The following CNIH2 variants were observed in gnomAD, a reference collection of about 807,000 sequenced individuals.
The protein encoded by CNIH2 is protein cornichon homolog 2.
A neutral mutation model predicts 22.9 loss-of-function variants in CNIH2; 8 were observed. The ratio of observed to expected loss-of-function variants is 0.35; its 90% CI spans 0.20 to 0.63. The LOEUF (loss-of-function observed/expected upper bound fraction) is 0.63. Among genes scored for constraint, CNIH2 ranks in the 30% least tolerant of loss-of-function variants. CNIH2 has a pLI of 0.72. For missense variants in CNIH2, 105 were observed against 206.2 expected (o/e 0.51, Z 3.01); for synonymous variants, 74 against 78.2 (o/e 0.95, Z 0.28).
At chr11:66,279,245 A>G (rs1451691362) in intron 1 of CNIH2, among the ~76,000 whole-genome samples, 1 of 150,774 alleles carries the variant, frequency 6.6e-6, no homozygotes, top group Non-Finnish European at 1.5e-5. Flanking sequence ...GCCCTGGCCT[A>G]GCCTCACACC....
At chr11:66,281,299 G>A (rs1317811949) in intron 1 of CNIH2, 2 of 446,316 alleles carry the variant, frequency 4.5e-6, no homozygotes, top group Non-Finnish European at 9.0e-6. Context: ...GTGTGGCCCT[G>A]GACAAGTCAC....
intron 5 of CNIH2, 70 bp from the exon 6 acceptor site, chr11:66,283,500 G>T (rs1397539866): frequency 1.2e-6 from 2 of 1,607,850 alleles, no homozygotes; most frequent in Non-Finnish European, 1.7e-6. Flanking sequence ...GCAGCCCAGG[G>T]TGTGACCAGG....
At chr11:66,282,984 G>A (rs1857286345) in intron 3 of CNIH2, 51 bp from the exon 4 acceptor site, 3 of 1,518,190 alleles carry the variant, frequency 2.0e-6, no homozygotes, top group Admixed American at 1.7e-5. Context: ...CCCCTTGAAG[G>A]CTGGTCTGTC....
intron 1 of CNIH2, among the ~76,000 whole-genome samples, chr11:66,279,940 G>A (rs1174564740): frequency 1.3e-5 from 2 of 152,190 alleles, no homozygotes; most frequent in East Asian, 1.9e-4. Flanking sequence ...TTTCTGTGGG[G>A]TAGGGGCAGG....
chr11:66,280,989 C>A (rs767665272), intron 1 of CNIH2, among the ~76,000 whole-genome samples: 2 of 152,190 alleles, frequency 1.3e-5, no homozygotes, highest in African/African-American at 2.4e-5. Flanking sequence ...AACACTTGCT[C>A]CCCTGGAGAG....
In CNIH2 at chr11:66,282,261, C is replaced by T. The variant is rs1210473331; in HGVS notation, c.84C>T (p.Ile28=). 4 of 1,613,688 alleles carry T rather than the reference C, an allele frequency of 2.5e-6. No individual in the cohort carries two copies. Among genetic ancestry groups the T allele is most frequent in the African/African-American group, 1.3e-5 (1 of 74,952 alleles). Residue 28 remains isoleucine (I), a splice_region_variant and synonymous_variant, in exon 2 of 6, where the codon ATC becomes ATT. Coordinates refer to ENST00000311445, the MANE Select transcript of CNIH2 (RefSeq NM_182553.3). ...ASLIFFVIWH[I]IAFDELRTDF... is the part of the protein sequence containing the mutation. ...ACGGGCACACGCCCCTCCCCCAGAT[C>T]ATAGCCTTTGATGAGCTGCGGACCG...
chr11:66,282,816 C>T (rs1471317605), intron 3 of CNIH2, 36 bp downstream of exon 3: 3 of 1,591,192 alleles, frequency 1.9e-6, no homozygotes, highest in Non-Finnish European at 2.6e-6. Context: ...GGCTCCTAGC[C>T]CAGCGCTGCC....
intron 2 of CNIH2, 91 bp downstream of exon 2, chr11:66,282,418 T>TGGGGGGGGG: frequency 6.8e-5 from 11 of 161,798 alleles, no homozygotes; most frequent in East Asian, 4.4e-4. Flanking sequence ...AAGACGGGGG[T>TGGGGGGGGG]GGGGTGGGGG....
In CNIH2 at chr11:66,278,533, G is replaced by T; in HGVS notation, c.77G>T (p.Trp26Leu). 1 of 1,483,466 alleles carries T rather than the reference G, an allele frequency of 6.7e-7. No individual in the cohort carries two copies. Among genetic ancestry groups the T allele is most frequent in the Non-Finnish European group, 9.0e-7 (1 of 1,110,406 alleles). 91.9% of individuals were successfully genotyped at this position (1,483,466 alleles called of 1,614,324 possible). ...GCCTCCCTCATCTTCTTTGTCATCT[G>T]GCACGTAAGGCCGGGCTGGGGCTGG... is the stretch of plus-strand genomic sequence containing the variant. Reference protein sequence around the residue: ...LCASLIFFVIWHIIAFDELRT... With the variant: ...LCASLIFFVILHIIAFDELRT... Residue 26 changes from tryptophan (W) to leucine (L), a missense_variant, in exon 1 of 6, where the codon TGG becomes TTG. Coordinates refer to ENST00000311445, the MANE Select transcript of CNIH2 (RefSeq NM_182553.3).
intron 1 of CNIH2, among the ~76,000 whole-genome samples, 172 bp from the exon 2 acceptor site, chr11:66,282,087 A>T (rs1452159792): frequency 6.6e-6 from 1 of 152,072 alleles, no homozygotes; most frequent in Admixed American, 6.5e-5. Flanking sequence ...TCCCTTCTGG[A>T]CTGTTGTAAT....
chr11:66,283,424 G>T, intron 5 of CNIH2, 33 bp downstream of exon 5: 1 of 1,613,294 alleles, frequency 6.2e-7, no homozygotes, highest in Non-Finnish European at 8.5e-7. Flanking sequence ...CAGAACTCAG[G>T]GAAGGGATGT....
Position 66,283,727 on chromosome 11 carries a change from C to T in CNIH2, c.*130C>T, listed in dbSNP as rs1857300939. The T allele has an allele frequency of 1.9e-6, 2 of 1,028,578 alleles. No individual in the cohort carries two copies. The highest frequency in any genetic ancestry group is 3.1e-5 in the South Asian group (2 of 63,580). The allele number at this position is 1,028,578 out of a possible 1,614,324, so 63.7% of individuals were successfully genotyped here. ...ACTGGTGCCCCCAGCCTCTCCAACC[C>T]CCAAACTGCTGCTGCGGGGAACCCC... On this transcript the variant is annotated 3_prime_UTR_variant, in exon 6 of 6. Coordinates refer to ENST00000311445, the MANE Select transcript of CNIH2 (RefSeq NM_182553.3).
intron 2 of CNIH2, 95 bp downstream of exon 2, chr11:66,282,422 G>GTT: frequency 3.9e-6 from 4 of 1,023,432 alleles, no homozygotes; most frequent in Middle Eastern, 3.0e-4. Flanking sequence ...CGGGGGTGGG[G>GTT]TGGGGGGCCT....
Position 66,283,635 on chromosome 11 carries a change from G to A in CNIH2, c.*38G>A, listed in dbSNP as rs187803185. ...CCAGGGAGCGAGCCCAGAACGGACC[G>A]GACGCCTGTGCACCCCCAGCCCTGC... On this transcript the variant is annotated 3_prime_UTR_variant, in exon 6 of 6. Coordinates refer to ENST00000311445, the MANE Select transcript of CNIH2 (RefSeq NM_182553.3). 7.1e-5 allele frequency: 110 copies of A among 1,554,074 alleles called. No homozygotes were observed. Among genetic ancestry groups the A allele is most frequent in the Non-Finnish European group, 8.3e-5 (95 of 1,148,376 alleles).
chr11:66,281,926 C>A (rs1018434148), intron 1 of CNIH2, among the ~76,000 whole-genome samples: 4 of 152,220 alleles, frequency 2.6e-5, no homozygotes, highest in Admixed American at 6.5e-5. Flanking sequence ...TGGGTTCCTC[C>A]TGGGCAGGGG....
chr11:66,278,925 C>A (rs1266135747), intron 1 of CNIH2, among the ~76,000 whole-genome samples: 1 of 108,970 alleles, frequency 9.2e-6, no homozygotes, highest in South Asian at 3.9e-4. Flanking sequence ...GCCCCCCCCC[C>A]CCCGCCTTTG....
At chr11:66,281,518 A>C (rs1449168238) in intron 1 of CNIH2, 5 of 455,712 alleles carry the variant, frequency 1.1e-5, no homozygotes, top group Admixed American at 9.4e-5. Context: ...GGACCTGACC[A>C]CCCCACTCTG....
chr11:66,282,399 GGAGACGGGAAGACGGGGGTGGGGT>G, intron 2 of CNIH2, 72 bp downstream of exon 2: 1 of 1,168,284 alleles, frequency 8.6e-7, no homozygotes, highest in Admixed American at 2.0e-5. Context: ...GCTGGGGGTG[GGAGACGGGAAGACGGGGGTGGGGT>G]GGGGGGCCTA....
chr11:66,281,253 CTG>C (rs1857254879), intron 1 of CNIH2, among the ~76,000 whole-genome samples: 1 of 152,220 alleles, frequency 6.6e-6, no homozygotes, highest in African/African-American at 2.4e-5. Context: ...AATTTTAACT[CTG>C]GAGTCACACT....
Sources: allele counts gnomAD v4.1 joint callset (sites outside exome capture counted in the v4.1 genomes callset), GRCh38; gene constraint gnomAD v4.1.1; transcripts MANE v1.5; gene names NCBI Gene and HGNC (gene_info 2026-07-23, HGNC 2026-07-21).